The following SNX24 variants were observed in gnomAD, a reference collection of about 807,000 sequenced individuals.
SNX24 encodes sorting nexin-24.
A neutral mutation model predicts 28.7 loss-of-function variants in SNX24; 22 were observed. That is an observed-to-expected ratio of 0.77 (90% CI 0.55 to 1.10). The LOEUF (loss-of-function observed/expected upper bound fraction) is 1.10, where lower values mean the gene tolerates loss of function less well. Ranked by LOEUF, SNX24 falls within the 50% of genes least tolerant of loss-of-function variation. The pLI is 0.00. For missense variants in SNX24, 221 were observed against 201.1 expected (o/e 1.10, Z -0.60); for synonymous variants, 69 against 71.5 (o/e 0.96, Z 0.18).
chr5:122,940,471 C>A (rs918249344), intron 2 of SNX24, among the ~76,000 whole-genome samples: 6 of 152,108 alleles, frequency 3.9e-5, no homozygotes, highest in African/African-American at 1.4e-4. Flanking sequence ...TGTTGTCCAC[C>A]ACATCATAGA....
At chr5:122,965,038 C>T (rs1239764294) in intron 3 of SNX24, among the ~76,000 whole-genome samples, 1 of 152,110 alleles carries the variant, frequency 6.6e-6, no homozygotes, top group Admixed American at 6.5e-5. Flanking sequence ...CCTTGTTCTA[C>T]AGGTGAAGTA....
rs1055453737 is a variant in SNX24, at chr5:122,864,889, C to A, written c.60+19196C>A. Among the ~76,000 whole-genome samples the A allele has an allele frequency of 2.0e-5, 3 of 152,196 alleles. No individual in the cohort carries two copies. In the South Asian group the frequency reaches 6.2e-4, roughly 31 times the overall value. The stretch of plus-strand genomic sequence containing the variant: ...AGTCCCCAGGCAAGAAGGAGGTTTG[C>A]TTTGGGAAAGGGCTGTTATCGTCTT... On this transcript the variant is annotated intron_variant, in intron 1 of 6. Transcript: ENST00000261369.
chr5:122,998,561 G>A (rs913473499), intron 3 of SNX24, among the ~76,000 whole-genome samples: 9 of 152,262 alleles, frequency 5.9e-5, no homozygotes, highest in South Asian at 4.1e-4. Context: ...GTAAAGAACC[G>A]TAGCAGCCCC....
chr5:122,956,352 G>GAAAA (rs150072652), intron 3 of SNX24, among the ~76,000 whole-genome samples: 1 of 143,610 alleles, frequency 7.0e-6, no homozygotes, highest in African/African-American at 2.6e-5. Flanking sequence ...AAACACTTGG[G>GAAAA]AAAAAAAAAA....
At chr5:122,982,662 A>C (rs1761441120) in intron 3 of SNX24, among the ~76,000 whole-genome samples, 1 of 152,200 alleles carries the variant, frequency 6.6e-6, no homozygotes, top group Non-Finnish European at 1.5e-5. Flanking sequence ...TAAACAGATT[A>C]TTACAATGTA....
chr5:122,867,546 C>G (rs1012937509), intron 1 of SNX24, among the ~76,000 whole-genome samples: 1 of 152,066 alleles, frequency 6.6e-6, no homozygotes, highest in African/African-American at 2.4e-5. Flanking sequence ...GTGGCTGTAG[C>G]CAGGTTGGCT....
At chr5:122,898,091 T>C (rs1757279549) in intron 1 of SNX24, among the ~76,000 whole-genome samples, 1 of 152,232 alleles carries the variant, frequency 6.6e-6, no homozygotes, top group South Asian at 2.1e-4. Flanking sequence ...GGGTTGGTGC[T>C]GGAATTGTGA....
At chr5:122,999,846 A>G (rs1762182959) in intron 3 of SNX24, 66 bp from the exon 4 acceptor site, 2 of 925,670 alleles carry the variant, frequency 2.2e-6, no homozygotes, top group East Asian at 4.8e-5. Context: ...TTTTTGAAAT[A>G]GTTCATTTGA....
intron 1 of SNX24, among the ~76,000 whole-genome samples, chr5:122,847,759 G>T (rs1470138198): frequency 6.6e-6 from 1 of 152,158 alleles, no homozygotes. Context: ...CTCCCAAAGT[G>T]CTGGGATAAC....
chr5:122,890,291 A>G (rs541733322), intron 1 of SNX24, among the ~76,000 whole-genome samples: 1 of 152,182 alleles, frequency 6.6e-6, no homozygotes, highest in African/African-American at 2.4e-5. Context: ...ATTATTAACT[A>G]ACACTTGGGA....
chr5:122,852,420 G>A (rs1472446466), intron 1 of SNX24, among the ~76,000 whole-genome samples: 1 of 151,580 alleles, frequency 6.6e-6, no homozygotes, highest in Admixed American at 6.6e-5. Flanking sequence ...AAAGTTCACT[G>A]CAGTCTTGAC....
At chr5:122,870,195 G>A (rs1054029962) in intron 1 of SNX24, among the ~76,000 whole-genome samples, 1 of 152,186 alleles carries the variant, frequency 6.6e-6, no homozygotes, top group Non-Finnish European at 1.5e-5. Context: ...GATGTACAAA[G>A]CTTTTTAGTC....
intron 1 of SNX24, among the ~76,000 whole-genome samples, chr5:122,931,698 C>T (rs985445649): frequency 3.0e-4 from 45 of 152,166 alleles, no homozygotes; most frequent in Non-Finnish European, 6.3e-4. Context: ...CCCAGCGTAA[C>T]GATACACTGA....
chr5:123,008,199 A>T lies in SNX24; in HGVS notation c.*450A>T. On this transcript the variant is annotated 3_prime_UTR_variant, in exon 7 of 7. Transcript: ENST00000261369. Reference sequence around the variant, plus strand: ...CACCGTGAGATTTTCTCAGCCAGTGATAGTACATTCTGAAATGCTGGCACC... The same window carrying T: ...CACCGTGAGATTTTCTCAGCCAGTGTTAGTACATTCTGAAATGCTGGCACC... The T allele has an allele frequency of 3.0e-6, 3 of 986,862 alleles. No homozygotes were observed. The highest frequency in any genetic ancestry group is 3.6e-6 in the Non-Finnish European group (3 of 831,038). The allele number at this position is 986,862 out of a possible 1,614,324, so 61.1% of individuals were successfully genotyped here.
intron 3 of SNX24, among the ~76,000 whole-genome samples, chr5:122,991,158 A>G (rs1269702452): frequency 2.0e-5 from 3 of 151,998 alleles, no homozygotes; most frequent in East Asian, 1.9e-4. Flanking sequence ...CAGCCTCCCA[A>G]AGTGCTGGGA....
chr5:122,945,533 G>C (rs1226860253), intron 2 of SNX24, among the ~76,000 whole-genome samples: 1 of 152,174 alleles, frequency 6.6e-6, no homozygotes, highest in East Asian at 1.9e-4. Context: ...GAAAGTAATT[G>C]TTAGGAACAT....
intron 1 of SNX24, among the ~76,000 whole-genome samples, chr5:122,871,662 C>T (rs1011510220): frequency 5.3e-5 from 8 of 151,966 alleles, no homozygotes; most frequent in Non-Finnish European, 1.0e-4. Context: ...CCCAGCTACT[C>T]GGGAGGCTGA....
At chr5:123,022,244 T>C (rs1357014796) in intron 5 of SNX24, 5 of 152,170 alleles carry the variant, frequency 3.3e-5, no homozygotes, top group Non-Finnish European at 7.3e-5. Flanking sequence ...AAGAGTGTTG[T>C]AGCAATTTGC....
chr5:122,986,835 A>C, intron 3 of SNX24, among the ~76,000 whole-genome samples: 2 of 68,338 alleles, frequency 2.9e-5, no homozygotes, highest in East Asian at 4.9e-4. Flanking sequence ...ACAGATAGGT[A>C]AATGCATGGG....
Sources: gnomAD v4.1 joint callset for allele counts (sites outside exome capture counted in the v4.1 genomes callset) on GRCh38, gnomAD v4.1.1 for gene constraint, MANE v1.5 for transcripts, NCBI Gene and HGNC (gene_info 2026-07-23, HGNC 2026-07-21) for gene names.